Variants in SORCS1 observed in about 807,000 individuals in gnomAD.
SORCS1 encodes the protein sortilin related VPS10 domain containing receptor 1.
A neutral mutation model predicts 146.1 loss-of-function variants in SORCS1; 60 were observed. That is an observed-to-expected ratio of 0.41 (90% confidence interval 0.33 to 0.51). The LOEUF (loss-of-function observed/expected upper bound fraction) is 0.51. SORCS1 is among the 20% of genes least tolerant of loss of function. The pLI is 0.21. For synonymous variants in SORCS1, 637 were observed against 584.0 expected (o/e 1.09, Z -1.31); for missense variants, 1,352 against 1,487.6 (o/e 0.91, Z 1.50).
At chr10:106,972,514 A>G (rs532235434) in intron 1 of SORCS1, among the ~76,000 whole-genome samples, 22 of 152,010 alleles carry the variant, frequency 1.4e-4, no homozygotes, top group Admixed American at 2.6e-4. Flanking sequence ...CCTTTACAGC[A>G]ATATGTCTTA....
intron 3 of SORCS1, among the ~76,000 whole-genome samples, chr10:106,780,836 G>A (rs994651596): frequency 1.3e-5 from 2 of 152,108 alleles, no homozygotes; most frequent in African/African-American, 4.8e-5. Flanking sequence ...AGTCAATAAT[G>A]GCAACACAGG....
the SORCS1 span, among the ~76,000 whole-genome samples, chr10:107,174,862 A>G: frequency 2.0e-5 from 3 of 152,298 alleles, no homozygotes. Flanking sequence ...GCTCAAGAGC[A>G]GGGGGAAAGG....
intron 2 of SORCS1, among the ~76,000 whole-genome samples, chr10:106,952,026 A>G (rs575364846): frequency 2.4e-4 from 37 of 152,282 alleles, no homozygotes; most frequent in African/African-American, 6.5e-4. Context: ...AAAACTCACT[A>G]GCTCATTGCA....
intron 1 of SORCS1, among the ~76,000 whole-genome samples, chr10:107,099,367 G>A (rs1964762638): frequency 1.3e-5 from 2 of 152,128 alleles, no homozygotes; most frequent in Admixed American, 1.3e-4. Context: ...CTCTTAATAT[G>A]TGACCCTTTC....
At position 106,579,401 on chromosome 10, in the gene SORCS1, C is replaced by T; in HGVS notation, c.3339G>A (p.Gly1113=). ...MLMLLSVVFV[G]LAVFVIYKFK... The stretch of plus-strand genomic sequence containing the variant: ...ACTTGTAGATGACGAACACTGCCAG[C>T]CCCACAAACACCACTGAGAGCAGCA... The change falls in exon 25 of 26, where the codon GGG becomes GGA. Residue 1113 remains glycine, a synonymous_variant. Coordinates refer to ENST00000263054, the MANE Select transcript of SORCS1 (RefSeq NM_052918.5). The T allele has an allele frequency of 1.9e-6, 3 of 1,613,970 alleles. No individual in the cohort carries two copies. The highest frequency in any genetic ancestry group is 1.3e-5 in the African/African-American group (1 of 74,962).
intron 1 of SORCS1, among the ~76,000 whole-genome samples, chr10:107,067,347 C>G (rs914360191): frequency 6.7e-6 from 1 of 149,242 alleles, no homozygotes; most frequent in African/African-American, 2.5e-5. Flanking sequence ...AGACACTTAT[C>G]TGGGTAACCA....
At chr10:106,861,233 A>T (rs1378268202) in intron 2 of SORCS1, among the ~76,000 whole-genome samples, 2 of 151,896 alleles carry the variant, frequency 1.3e-5, no homozygotes, top group Non-Finnish European at 2.9e-5. Flanking sequence ...CCTTGTCTCT[A>T]CTAAAATACA....
At chr10:107,090,055 G>T (rs561819943) in intron 1 of SORCS1, among the ~76,000 whole-genome samples, 1 of 152,294 alleles carries the variant, frequency 6.6e-6, no homozygotes, top group African/African-American at 2.4e-5. Context: ...TGACATAGAG[G>T]CATTATAGAA....
At chr10:106,868,492 A>G (rs1298338208) in intron 2 of SORCS1, among the ~76,000 whole-genome samples, 1 of 152,192 alleles carries the variant, frequency 6.6e-6, no homozygotes, top group African/African-American at 2.4e-5. Context: ...ATTCATACCA[A>G]ACACACTCTC....
intron 2 of SORCS1, among the ~76,000 whole-genome samples, chr10:106,942,378 C>T (rs147858616): frequency 4.6e-5 from 7 of 152,136 alleles, no homozygotes; most frequent in Non-Finnish European, 8.8e-5. Flanking sequence ...AACCTCTTGT[C>T]CTTCCTCCTG....
At chr10:106,782,807 T>G (rs1434453439) in intron 3 of SORCS1, among the ~76,000 whole-genome samples, 1 of 152,196 alleles carries the variant, frequency 6.6e-6, no homozygotes, top group African/African-American at 2.4e-5. Context: ...TATGTCCACG[T>G]ATATATTTCC....
At chr10:106,622,576 G>C (rs930971101) in intron 19 of SORCS1, among the ~76,000 whole-genome samples, 2 of 152,188 alleles carry the variant, frequency 1.3e-5, no homozygotes, top group African/African-American at 4.8e-5. Context: ...TCAGCATACA[G>C]AATCAAACTG....
chr10:106,860,920 C>T (rs533582430), intron 2 of SORCS1, among the ~76,000 whole-genome samples: 1 of 152,264 alleles, frequency 6.6e-6, no homozygotes, highest in South Asian at 2.1e-4. Context: ...GGGATTACTG[C>T]AGACTTCCCC....
At position 106,680,082 on chromosome 10, in the gene SORCS1, G is replaced by C. The variant is rs574448888; in HGVS notation, c.1561-348C>G. The stretch of plus-strand genomic sequence containing the variant: ...TTTTAACAGCCATAAAAAATGAAGA[G>C]ACAAAATAGTATGAGATTCTAGAAG... On this transcript the variant is annotated intron_variant, in intron 10 of 25. Coordinates refer to ENST00000263054, the MANE Select transcript of SORCS1 (RefSeq NM_052918.5). Among the ~76,000 whole-genome samples, 9 of 152,264 alleles carry C rather than the reference G, an allele frequency of 5.9e-5. No individual in the cohort carries two copies. The South Asian group carries it at 1.7e-3, about 28-fold the overall frequency.
chr10:106,802,014 C>A (rs1474811213), intron 3 of SORCS1, among the ~76,000 whole-genome samples: 2 of 152,208 alleles, frequency 1.3e-5, no homozygotes, highest in Admixed American at 1.3e-4. Context: ...TTATTAAGTA[C>A]TTTCATTCTC....
intron 1 of SORCS1, among the ~76,000 whole-genome samples, chr10:107,093,907 T>C (rs1001845638): frequency 1.3e-5 from 2 of 152,090 alleles, no homozygotes; most frequent in Non-Finnish European, 2.9e-5. Flanking sequence ...AGTGGGGTCA[T>C]TCCAGCCTCA....
chr10:106,580,654 G>A (rs1166029610), intron 24 of SORCS1, among the ~76,000 whole-genome samples: 5 of 152,092 alleles, frequency 3.3e-5, no homozygotes, highest in East Asian at 1.9e-4. Context: ...GGTGTGAGCC[G>A]AGAGGGCAAC....
intron 1 of SORCS1, among the ~76,000 whole-genome samples, chr10:107,000,202 T>C (rs984160744): frequency 6.6e-6 from 1 of 152,238 alleles, no homozygotes; most frequent in African/African-American, 2.4e-5. Flanking sequence ...GTTTGTACCT[T>C]CTGTGTGCAA....
intron 5 of SORCS1, among the ~76,000 whole-genome samples, chr10:106,737,656 CAG>C (rs1857051723): frequency 6.6e-6 from 1 of 151,928 alleles, no homozygotes; most frequent in South Asian, 2.1e-4. Context: ...ACTCAGGAGG[CAG>C]GGGTTGCAGT....
Sources: allele counts gnomAD v4.1 joint callset (sites outside exome capture counted in the v4.1 genomes callset), GRCh38; gene constraint gnomAD v4.1.1; transcripts MANE v1.5; gene names NCBI Gene and HGNC (gene_info 2026-07-23, HGNC 2026-07-21).